Variants in KLHL29 observed in about 807,000 individuals in gnomAD.
KLHL29 encodes kelch-like protein 29.
In KLHL29, 21 loss-of-function variants were observed where a neutral mutation model predicts 80.4. The ratio of observed to expected loss-of-function variants is 0.26; its 90% CI spans 0.19 to 0.38. The LOEUF (loss-of-function observed/expected upper bound fraction) is 0.38, where lower values mean the gene tolerates loss of function less well. Ranked by LOEUF, KLHL29 falls within the 10% of genes least tolerant of loss-of-function variation. The probability of loss-of-function intolerance (pLI) is 1.00; values close to 1 mark genes in which losing one functional copy is unlikely to be tolerated. For missense variants in KLHL29, 867 were observed against 1,223.9 expected, an observed-to-expected ratio of 0.71 and a Z score of 4.35; for synonymous variants, 511 against 526.8, an observed-to-expected ratio of 0.97 and a Z score of 0.41.
At chr2:23,412,781 A>G (rs925836704) in intron 1 of KLHL29, among the ~76,000 whole-genome samples, 1 of 152,182 alleles carries the variant, frequency 6.6e-6, no homozygotes, top group African/African-American at 2.4e-5. Context: ...ACGGGATGCT[A>G]TGAGGACCAC....
rs531283183 is a variant in KLHL29 at position 23,695,077 on chromosome 2, G to C, written c.1543-546G>C. 9.3e-4 allele frequency among the ~76,000 whole-genome samples: 142 copies of C among 152,270 alleles called. 1 individual carries two copies. Among genetic ancestry groups the C allele is most frequent in the Middle Eastern group, 3.4e-3 (1 of 294 alleles). On this transcript the variant is annotated intron_variant, in intron 8 of 13. Coordinates refer to ENST00000486442, the MANE Select transcript of KLHL29 (RefSeq NM_052920.2). This position sits in a 1 kb window ranked among gnomAD's most constrained non-coding sequence, Gnocchi z 7.6. ...CAAGGGAGCCTGTAAAACCACCTCA[G>C]TGCAGGGTGACAGTTTGAGGCCGTG... is the stretch of plus-strand genomic sequence containing the variant.
In KLHL29 at chr2:23,681,676, G is replaced by T. The variant is rs1671085983; in HGVS notation, c.941-2723G>T. ...GGAAACAGAGGCCCAGAAAGCTGGG[G>T]TGCTGGCCCAGGGTCACACACCAAT... On this transcript the variant is annotated intron_variant, in intron 5 of 13. Transcript: ENST00000486442. The surrounding 1 kb of genome is among the most constrained non-coding windows in gnomAD (Gnocchi z 4.2). Among the ~76,000 whole-genome samples the T allele has an allele frequency of 1.3e-5, 2 of 152,144 alleles. No individual in the cohort carries two copies. The highest frequency in any genetic ancestry group is 1.3e-4 in the Admixed American group (2 of 15,280).
At chr2:23,609,677 A>G (rs935837239) in intron 3 of KLHL29, among the ~76,000 whole-genome samples, 1 of 152,086 alleles carries the variant, frequency 6.6e-6, no homozygotes, top group Non-Finnish European at 1.5e-5. Context: ...AGATGATGAT[A>G]ATAATGATGA....
At chr2:23,467,168 G>A (rs930616173) in intron 1 of KLHL29, among the ~76,000 whole-genome samples, 15 of 152,290 alleles carry the variant, frequency 9.8e-5, no homozygotes, top group Middle Eastern at 3.4e-3. Flanking sequence ...GGGTACCTCC[G>A]TGCTGACTGC....
intron 3 of KLHL29, among the ~76,000 whole-genome samples, chr2:23,618,300 G>C (rs1432835780): frequency 6.6e-6 from 1 of 152,150 alleles, no homozygotes. Context: ...ACTTGACCAG[G>C]CCACAAGGTG....
intron 3 of KLHL29, among the ~76,000 whole-genome samples, chr2:23,606,568 C>T (rs867307841): frequency 1.3e-5 from 2 of 152,224 alleles, no homozygotes; most frequent in African/African-American, 2.4e-5. Context: ...TATGAAATTC[C>T]TTGTCTTATA....
chr2:23,584,947 G>T (rs1030295943), intron 3 of KLHL29, among the ~76,000 whole-genome samples: 2 of 152,150 alleles, frequency 1.3e-5, no homozygotes, highest in Non-Finnish European at 2.9e-5. Flanking sequence ...ATGTTGGCTA[G>T]GCTGGTCTCG....
chr2:23,599,331 G>C (rs1223901131), intron 3 of KLHL29, among the ~76,000 whole-genome samples: 2 of 151,970 alleles, frequency 1.3e-5, no homozygotes, highest in Non-Finnish European at 2.9e-5. Flanking sequence ...AAATGTCAAG[G>C]AGCTCTCCAA....
intron 5 of KLHL29, among the ~76,000 whole-genome samples, chr2:23,653,017 A>G (rs758378202): frequency 6.6e-5 from 10 of 151,534 alleles, no homozygotes; most frequent in Non-Finnish European, 1.3e-4. Flanking sequence ...CAGCCCACCT[A>G]CCCTACCCCC....
intron 1 of KLHL29, among the ~76,000 whole-genome samples, chr2:23,421,590 CTG>C (rs751325725): frequency 1.8e-5 from 2 of 113,758 alleles, no homozygotes; most frequent in East Asian, 3.2e-4. Flanking sequence ...GTCTGTGTGT[CTG>C]TGTCGGCATG....
Position 23,547,925 on chromosome 2 carries a change from C to T in KLHL29, c.-45-14227C>T, listed in dbSNP as rs555123970. Among the ~76,000 whole-genome samples the T allele has an allele frequency of 4.5e-4, 69 of 152,156 alleles. 3 individuals carry two copies. The South Asian group carries it at 0.014, about 31-fold the overall frequency. ...GAGGAGGTGAAGGCACAGAGTAAGG[C>T]CACCAGCAATACAGAGGTGGCGCTA... On this transcript the variant is annotated intron_variant, in intron 2 of 13. Transcript: ENST00000486442.
intron 3 of KLHL29, among the ~76,000 whole-genome samples, chr2:23,615,012 G>A (rs753978856): frequency 2.0e-5 from 3 of 152,196 alleles, no homozygotes; most frequent in Non-Finnish European, 4.4e-5. Context: ...CAGCCATCAG[G>A]TCCTTCTCTC....
intron 1 of KLHL29, among the ~76,000 whole-genome samples, chr2:23,463,773 AT>A (rs1451283298): frequency 2.0e-5 from 3 of 152,202 alleles, no homozygotes; most frequent in African/African-American, 7.2e-5. Context: ...GCATAGAGTC[AT>A]TTGGAAATAT....
At chr2:23,699,348 G>A (rs1451954102) in intron 11 of KLHL29, among the ~76,000 whole-genome samples, 2 of 152,340 alleles carry the variant, frequency 1.3e-5, no homozygotes, top group East Asian at 3.9e-4. Flanking sequence ...ATTGCGTCCA[G>A]GCACTCACCG....
intron 1 of KLHL29, among the ~76,000 whole-genome samples, chr2:23,446,464 G>A (rs935941790): frequency 1.3e-5 from 2 of 152,190 alleles, no homozygotes; most frequent in African/African-American, 4.8e-5. Context: ...GATGGTGAAA[G>A]CCCAAAACTG....
intron 5 of KLHL29, among the ~76,000 whole-genome samples, chr2:23,670,614 C>T (rs1359339667): frequency 6.6e-6 from 1 of 152,184 alleles, no homozygotes; most frequent in Non-Finnish European, 1.5e-5. Flanking sequence ...GGCACAATTC[C>T]ACTTTTCTTC....
intron 3 of KLHL29, among the ~76,000 whole-genome samples, chr2:23,625,620 G>A (rs1669289124): frequency 6.6e-6 from 1 of 152,174 alleles, no homozygotes; most frequent in Non-Finnish European, 1.5e-5. Context: ...CGGGCAAGAT[G>A]GAGCCAGAGA....
rs1206637815 is a variant in KLHL29 at position 23,642,602 on chromosome 2, A to C, written c.692A>C (p.Gln231Pro). 3.2e-6 allele frequency: 5 copies of C among 1,549,978 alleles called. No homozygotes were observed. The South Asian group carries it at 6.0e-5, about 18-fold the overall frequency. ...GCCCAGGCCCTGTATGCCAGCCCTC[A>C]GCCCCTGGCCGTGTCCACACTGCCC... ...MPAQALYASP[Q>P]PLAVSTLPGV... Residue 231 changes from glutamine to proline, a missense_variant, in exon 5 of 14, where the codon CAG (glutamine) becomes CCG (proline). Gln to Pro is a moderately conservative substitution (Grantham distance 76, BLOSUM62 -1). Coordinates refer to ENST00000486442, the MANE Select transcript of KLHL29 (RefSeq NM_052920.2).
chr2:23,456,326 G>T (rs891862255), intron 1 of KLHL29, among the ~76,000 whole-genome samples: 1 of 152,354 alleles, frequency 6.6e-6, no homozygotes, highest in Non-Finnish European at 1.5e-5. Flanking sequence ...CAATGGGACT[G>T]AGAGGGAGCC....
Sources: gnomAD v4.1 joint callset for allele counts (sites outside exome capture counted in the v4.1 genomes callset) on GRCh38, gnomAD v4.1.1 for gene constraint, Gnocchi (gnomAD v3.1) non-coding constraint, MANE v1.5 for transcripts, NCBI Gene and HGNC (gene_info 2026-07-23, HGNC 2026-07-21) for gene names.